FSIP1: variants seen among roughly 807,000 people sequenced by gnomAD.
FSIP1 encodes the protein fibrous sheath interacting protein 1, also known as fibrous sheath-interacting protein 1.
FSIP1 carries 65 observed loss-of-function variants against 60.9 expected under a neutral mutation model. That is an observed-to-expected ratio of 1.07 (90% CI 0.87 to 1.31). The LOEUF is 1.31. Ranked by LOEUF, FSIP1 falls within the 40% of genes most tolerant of loss-of-function variation. The pLI, the probability that FSIP1 is intolerant of heterozygous loss-of-function variation, is 0.00. For synonymous variants in FSIP1, 209 were observed against 221.2 expected (o/e 0.94, Z 0.49); for missense variants, 675 against 665.5 (o/e 1.01, Z -0.16).
At chr15:39,739,334 C>A (rs1301977185) in intron 7 of FSIP1, among the ~76,000 whole-genome samples, 1 of 152,122 alleles carries the variant, frequency 6.6e-6, no homozygotes. Flanking sequence ...TACTAATATG[C>A]AATTTAAAAT....
chr15:39,703,968 T>G (rs1375778778), intron 10 of FSIP1, among the ~76,000 whole-genome samples: 1 of 152,036 alleles, frequency 6.6e-6, no homozygotes, highest in Non-Finnish European at 1.5e-5. Context: ...TTGCAAGGAG[T>G]TTTGTTAAGG....
chr15:39,652,109 G>A (rs2140437551), intron 10 of FSIP1, among the ~76,000 whole-genome samples: 1 of 152,322 alleles, frequency 6.6e-6, no homozygotes, highest in South Asian at 2.1e-4. Flanking sequence ...AGTGGGTTGA[G>A]AAACTATTAG....
chr15:39,614,804 T>C (rs1891165782), intron 11 of FSIP1, among the ~76,000 whole-genome samples: 1 of 152,164 alleles, frequency 6.6e-6, no homozygotes, highest in Admixed American at 6.5e-5. Flanking sequence ...AATCCTTAAA[T>C]CTGTATGGAA....
intron 5 of FSIP1, among the ~76,000 whole-genome samples, chr15:39,758,309 T>G (rs1378437893): frequency 3.3e-5 from 5 of 152,120 alleles, no homozygotes; most frequent in Non-Finnish European, 7.4e-5. Context: ...AAGCTTAATG[T>G]TAAAAGGCCA....
intron 9 of FSIP1, among the ~76,000 whole-genome samples, chr15:39,723,260 G>A (rs28519658): frequency 0.12 from 18,088 of 152,134 alleles, 1,315 homozygotes; most frequent in African/African-American, 0.2. Flanking sequence ...ACAGAGTCCC[G>A]CTCTGTCCTC....
chr15:39,728,368 T>C (rs1278708365), intron 8 of FSIP1, among the ~76,000 whole-genome samples: 1 of 152,172 alleles, frequency 6.6e-6, no homozygotes, highest in Non-Finnish European at 1.5e-5. Context: ...GGAGAAATCA[T>C]GTTACCTGAC....
intron 10 of FSIP1, among the ~76,000 whole-genome samples, chr15:39,670,477 GTCTTTT>G (rs929803498): frequency 4.0e-5 from 6 of 151,492 alleles, no homozygotes; most frequent in African/African-American, 1.5e-4. Context: ...TCTCTCTTTT[GTCTTTT>G]TCTTTTTCTT....
chr15:39,614,396 A>G (rs78639971), intron 11 of FSIP1, among the ~76,000 whole-genome samples: 2 of 152,206 alleles, frequency 1.3e-5, no homozygotes, highest in African/African-American at 4.8e-5. Context: ...TAGAACACTG[A>G]TGAAAGAAAG....
At chr15:39,708,812 G>T (rs1186426644) in intron 10 of FSIP1, among the ~76,000 whole-genome samples, 1 of 152,188 alleles carries the variant, frequency 6.6e-6, no homozygotes, top group African/African-American at 2.4e-5. Flanking sequence ...TCCTACAGAT[G>T]TGCTTCACAC....
At chr15:39,602,710 T>C (rs1890684985) in intron 11 of FSIP1, among the ~76,000 whole-genome samples, 1 of 152,178 alleles carries the variant, frequency 6.6e-6, no homozygotes, top group African/African-American at 2.4e-5. Flanking sequence ...AGTGCTATTC[T>C]CTCACTATGG....
intron 10 of FSIP1, among the ~76,000 whole-genome samples, chr15:39,669,873 C>G (rs1274279488): frequency 6.6e-6 from 1 of 152,146 alleles, no homozygotes; most frequent in East Asian, 1.9e-4. Flanking sequence ...ATAAAACCAA[C>G]AAGGGATATT....
intron 7 of FSIP1, among the ~76,000 whole-genome samples, 198 bp downstream of exon 7, chr15:39,739,467 A>T (rs1209067920): frequency 6.6e-6 from 1 of 152,264 alleles, no homozygotes; most frequent in Non-Finnish European, 1.5e-5. Flanking sequence ...GAGATAGGAT[A>T]GGATAGGATG....
chr15:39,751,659 C>T (rs1253651146), intron 5 of FSIP1, among the ~76,000 whole-genome samples: 1 of 150,708 alleles, frequency 6.6e-6, no homozygotes, highest in Non-Finnish European at 1.5e-5. Context: ...GGGGAGAGAA[C>T]ACTGGGAGGA....
At chr15:39,628,454 G>A (rs565466759) in intron 10 of FSIP1, among the ~76,000 whole-genome samples, 16 of 152,316 alleles carry the variant, frequency 1.1e-4, no homozygotes, top group African/African-American at 3.4e-4. Context: ...AGGCCAGGGG[G>A]CTAAAAGGAG....
chr15:39,639,304 G>C (rs117449448), intron 10 of FSIP1, among the ~76,000 whole-genome samples: 1 of 152,098 alleles, frequency 6.6e-6, no homozygotes, highest in Non-Finnish European at 1.5e-5. Flanking sequence ...CATTTTCCTT[G>C]TTCCTCTGAC....
intron 4 of FSIP1, among the ~76,000 whole-genome samples, chr15:39,764,616 T>A (rs984083326): frequency 6.6e-6 from 1 of 152,220 alleles, no homozygotes; most frequent in Non-Finnish European, 1.5e-5. Context: ...AATGGCTATA[T>A]ACCAAGTCAA....
rs768321063 is a variant in FSIP1, at chr15:39,770,491, C to T, written c.246G>A (p.Leu82=). 1.2e-6 allele frequency: 2 copies of T among 1,611,750 alleles called. No individual in the cohort carries two copies. The highest frequency in any genetic ancestry group is 2.7e-5 in the African/African-American group (2 of 74,828). The change falls in exon 3 of 12, where the codon TTG becomes TTA. Residue 82 remains leucine (L), a synonymous_variant. Coordinates refer to ENST00000350221, the MANE Select transcript of FSIP1 (RefSeq NM_152597.5). ...GATCTTCATCTGATCCCTCTTCAGC[C>T]AATTTTATTTTCTCAGAGCAGCTTT... ...KQESCSEKIK[L]AEEGSDEDLD...
rs1274364722 is a variant in FSIP1 at position 39,618,224 on chromosome 15, A to G, written c.1210T>C (p.Ser404Pro). 2.5e-6 allele frequency: 4 copies of G among 1,608,042 alleles called. No individual in the cohort carries two copies. The African/African-American group carries it at 5.3e-5, about 22-fold the overall frequency. ...ENVLESTSCL[S>P]EEQLKCLLDE... Reference sequence around the variant, plus strand: ...AGAAGACACTTTAACTGTTCTTCAGAGAGACATGATGTGGACTCTAACTGA... The same window carrying G: ...AGAAGACACTTTAACTGTTCTTCAGGGAGACATGATGTGGACTCTAACTGA... Residue 404 changes from serine to proline, a missense_variant, in exon 11 of 12, where the codon TCT becomes CCT. Physicochemically the swap from Ser to Pro is moderately conservative, Grantham distance 74. Coordinates refer to ENST00000350221, the MANE Select transcript of FSIP1 (RefSeq NM_152597.5).
intron 9 of FSIP1, among the ~76,000 whole-genome samples, chr15:39,723,374 GC>G (rs1459089896): frequency 2.0e-5 from 3 of 151,998 alleles, no homozygotes; most frequent in African/African-American, 7.3e-5. Flanking sequence ...GACTACAGGC[GC>G]CTGCCACCAC....
Sources: allele counts gnomAD v4.1 joint callset (sites outside exome capture counted in the v4.1 genomes callset), GRCh38; gene constraint gnomAD v4.1.1; transcripts MANE v1.5; gene names NCBI Gene and HGNC (gene_info 2026-07-23, HGNC 2026-07-21).